Variants in SIL1 observed in about 807,000 individuals in gnomAD.
SIL1 encodes the protein SIL1 nucleotide exchange factor, also known as nucleotide exchange factor SIL1.
In SIL1, 40 loss-of-function variants were observed where a neutral mutation model predicts 49.1. That is an observed-to-expected ratio of 0.81 (90% CI 0.63 to 1.06). The LOEUF is 1.06. Ranked by LOEUF, SIL1 falls within the 50% of genes least tolerant of loss-of-function variation. SIL1 has a pLI of 0.00. For synonymous variants in SIL1, 253 were observed against 250.8 expected, an observed-to-expected ratio of 1.01 and a Z score of -0.08; for missense variants, 500 against 572.6, an observed-to-expected ratio of 0.87 and a Z score of 1.29.
chr5:139,117,628 G>A (rs761473258), intron 3 of SIL1, among the ~76,000 whole-genome samples: 38 of 152,102 alleles, frequency 2.5e-4, no homozygotes, highest in Non-Finnish European at 4.4e-4. Flanking sequence ...GCTTTCCTCT[G>A]CTTGCTTGTG....
chr5:138,955,623 G>A (rs1766885464), intron 7 of SIL1, among the ~76,000 whole-genome samples: 1 of 152,242 alleles, frequency 6.6e-6, no homozygotes, highest in Non-Finnish European at 1.5e-5. Flanking sequence ...GGGCCCAGGA[G>A]ATTGCTGCCC....
At chr5:138,989,013 A>G (rs1767700226) in intron 7 of SIL1, among the ~76,000 whole-genome samples, 1 of 152,242 alleles carries the variant, frequency 6.6e-6, no homozygotes, top group African/African-American at 2.4e-5. Context: ...TCTAGAAGAA[A>G]CTGACAACAC....
chr5:139,143,340 CACACAT>C (rs1182824120), intron 1 of SIL1, among the ~76,000 whole-genome samples: 130 of 85,156 alleles, frequency 1.5e-3, no homozygotes, highest in East Asian at 0.012. Context: ...CACACACACA[CACACAT>C]ATATATATAT....
At chr5:139,073,751 G>C (rs972228071) in intron 3 of SIL1, among the ~76,000 whole-genome samples, 1 of 151,972 alleles carries the variant, frequency 6.6e-6, no homozygotes, top group Admixed American at 6.6e-5. Flanking sequence ...AGACCAGCCT[G>C]GCCAACATGG....
At chr5:139,064,650 G>A (rs1274225992) in intron 3 of SIL1, among the ~76,000 whole-genome samples, 1 of 152,196 alleles carries the variant, frequency 6.6e-6, no homozygotes, top group Non-Finnish European at 1.5e-5. Context: ...AAGTAGTGTT[G>A]TGCTTTGCTT....
intron 1 of SIL1, among the ~76,000 whole-genome samples, chr5:139,196,995 G>A (rs1752287629): frequency 6.6e-6 from 1 of 152,090 alleles, no homozygotes. Context: ...TATGCCAGGC[G>A]AGGTGGCTCA....
intron 3 of SIL1, among the ~76,000 whole-genome samples, chr5:139,118,423 T>TGC (rs1771045354): frequency 2.0e-5 from 3 of 152,094 alleles, no homozygotes; most frequent in Admixed American, 1.3e-4. Context: ...GGGCTTTGCA[T>TGC]CTACCATCTC....
intron 1 of SIL1, among the ~76,000 whole-genome samples, chr5:139,180,381 C>CAAAAAAAAAAAAAA (rs35534058): frequency 1.8e-5 from 1 of 57,052 alleles, no homozygotes; most frequent in Non-Finnish European, 3.1e-5. Flanking sequence ...AACTCCATCT[C>CAAAAAAAAAAAAAA]AAAAAAAAAA....
At chr5:139,158,255 A>G (rs1306006693) in intron 1 of SIL1, among the ~76,000 whole-genome samples, 1 of 152,226 alleles carries the variant, frequency 6.6e-6, no homozygotes, top group Non-Finnish European at 1.5e-5. Context: ...ATGACACCAA[A>G]TGAATGGGGG....
At chr5:139,152,195 C>T (rs1021770856) in intron 1 of SIL1, among the ~76,000 whole-genome samples, 4 of 152,208 alleles carry the variant, frequency 2.6e-5, no homozygotes, top group Non-Finnish European at 5.9e-5. Context: ...GCTCTCCACA[C>T]AATTCTTCAG....
At chr5:139,143,778 A>G (rs992534614) in intron 1 of SIL1, among the ~76,000 whole-genome samples, 2 of 152,230 alleles carry the variant, frequency 1.3e-5, no homozygotes, top group African/African-American at 2.4e-5. Flanking sequence ...AATCAGTTGT[A>G]TTTCTATATC....
chr5:139,158,724 A>C (rs1476040451), intron 1 of SIL1, among the ~76,000 whole-genome samples: 3 of 152,244 alleles, frequency 2.0e-5, no homozygotes, highest in African/African-American at 7.2e-5. Context: ...TGAGAAAAAA[A>C]GGTAAAATAA....
intron 3 of SIL1, among the ~76,000 whole-genome samples, chr5:139,056,770 G>C (rs1463069525): frequency 6.6e-6 from 1 of 151,196 alleles, no homozygotes; most frequent in Non-Finnish European, 1.5e-5. Context: ...GCCCCTACTG[G>C]GAAGTGAGGA....
At chr5:139,187,912 G>C (rs1314724430) in intron 1 of SIL1, 1 of 152,218 alleles carries the variant, frequency 6.6e-6, no homozygotes, top group Non-Finnish European at 1.5e-5. Flanking sequence ...AGTTCTCACA[G>C]GATCTGGCCA....
At chr5:139,013,493 G>A (rs374092445) in intron 7 of SIL1, 13 of 152,164 alleles carry the variant, frequency 8.5e-5, no homozygotes, top group African/African-American at 2.7e-4. Flanking sequence ...AATGTTCCCA[G>A]GTCAGCTGTC....
chr5:139,186,666 T>G (rs1752081995), intron 1 of SIL1, among the ~76,000 whole-genome samples: 1 of 152,164 alleles, frequency 6.6e-6, no homozygotes, highest in Non-Finnish European at 1.5e-5. Context: ...AGTTGGAGAC[T>G]CCTAGCCAGT....
In SIL1 at chr5:139,099,060, C is replaced by A. The variant is rs563172800; in HGVS notation, c.244+21975G>T. Among the ~76,000 whole-genome samples the A allele has an allele frequency of 3.9e-5, 6 of 152,072 alleles. No individual in the cohort carries two copies. The South Asian group carries it at 1.2e-3, about 32-fold the overall frequency. On this transcript the variant is annotated intron_variant, in intron 3 of 9. Coordinates refer to ENST00000394817, the MANE Select transcript of SIL1 (RefSeq NM_022464.5). ...TCAAACTCCCAACCTCAAGTGATCT[C>A]CCCCTCTCAGCCTCCCAAAGTGCTG...
chr5:139,151,808 T>C (rs898518321), intron 1 of SIL1, among the ~76,000 whole-genome samples: 3 of 151,966 alleles, frequency 2.0e-5, no homozygotes, highest in African/African-American at 7.3e-5. Flanking sequence ...ATTTGGTTAA[T>C]GGAAAAAAAA....
intron 5 of SIL1, among the ~76,000 whole-genome samples, chr5:139,039,359 C>T (rs959450344): frequency 6.6e-6 from 1 of 152,190 alleles, no homozygotes; most frequent in African/African-American, 2.4e-5. Context: ...TGCACTGGCA[C>T]TAAGTGGGGT....
Sources: gnomAD v4.1 joint callset for allele counts (sites outside exome capture counted in the v4.1 genomes callset) on GRCh38, gnomAD v4.1.1 for gene constraint, MANE v1.5 for transcripts, NCBI Gene and HGNC (gene_info 2026-07-23, HGNC 2026-07-21) for gene names.